Variants in NLN observed in about 807,000 individuals in gnomAD.
NLN encodes the protein neurolysin.
A neutral mutation model predicts 79.9 loss-of-function variants in NLN; 64 were observed. That is an observed-to-expected ratio of 0.80 (90% CI 0.65 to 0.99). The LOEUF (loss-of-function observed/expected upper bound fraction) is 0.99. Among genes scored for constraint, NLN ranks in the 50% least tolerant of loss-of-function variants. The pLI, the probability that NLN is intolerant of heterozygous loss-of-function variation, is 0.00. For synonymous variants in NLN, 267 were observed against 296.6 expected, an observed-to-expected ratio of 0.90 and a Z score of 1.02; for missense variants, 835 against 858.7, an observed-to-expected ratio of 0.97 and a Z score of 0.34.
At chr5:65,783,075 C>T (rs1759833240) in intron 6 of NLN, among the ~76,000 whole-genome samples, 1 of 152,048 alleles carries the variant, frequency 6.6e-6, no homozygotes, top group Non-Finnish European at 1.5e-5. Flanking sequence ...AAGTCAAAAG[C>T]ACAGTTAACT....
intron 1 of NLN, chr5:65,740,844 TATATA>T (rs1448845257): frequency 1.3e-5 from 2 of 152,228 alleles, no homozygotes; most frequent in African/African-American, 4.9e-5. Flanking sequence ...ATACGTATAT[TATATA>T]TATATAATAT....
At chr5:65,748,176 G>A (rs1759026577) in intron 1 of NLN, among the ~76,000 whole-genome samples, 1 of 152,142 alleles carries the variant, frequency 6.6e-6, no homozygotes, top group Non-Finnish European at 1.5e-5. Flanking sequence ...ACTCCAGCCT[G>A]GGCAACAGAG....
At chr5:65,760,656 G>C (rs1759317330) in intron 2 of NLN, among the ~76,000 whole-genome samples, 1 of 152,170 alleles carries the variant, frequency 6.6e-6, no homozygotes, top group Non-Finnish European at 1.5e-5. Context: ...GGGACTGCAG[G>C]CATGTGCCAC....
At chr5:65,810,719 C>G (rs1760526478) in intron 11 of NLN, among the ~76,000 whole-genome samples, 1 of 152,136 alleles carries the variant, frequency 6.6e-6, no homozygotes, top group South Asian at 2.1e-4. Context: ...GTGGCTCACA[C>G]CTGTAATCCC....
Position 65,824,471 on chromosome 5 carries a change from C to T in NLN, c.*1556C>T, listed in dbSNP as rs1760874739. On this transcript the variant is annotated 3_prime_UTR_variant, in exon 13 of 13. Coordinates refer to ENST00000380985, the MANE Select transcript of NLN (RefSeq NM_020726.5). ...ACTCAATGTCACCCCCTTCTAATCC[C>T]CAAAACTGTTTTTGTGGTCTTTGTA... 1 of 152,146 alleles carries T rather than the reference C, an allele frequency of 6.6e-6. No homozygotes were observed. The highest frequency in any genetic ancestry group is 2.4e-5 in the African/African-American group (1 of 41,424). The allele number at this position is 152,146 out of a possible 1,614,324, so 9.4% of individuals were successfully genotyped here. A position where few individuals can be genotyped will look rare whatever the true frequency, so the allele number is the denominator to read the frequency against.
intron 1 of NLN, among the ~76,000 whole-genome samples, chr5:65,734,730 G>A (rs1285434251): frequency 6.6e-6 from 1 of 152,170 alleles, no homozygotes. Flanking sequence ...AGGTGGAGTT[G>A]TAGTGACTGA....
intron 12 of NLN, among the ~76,000 whole-genome samples, chr5:65,813,941 T>A (rs6860869): frequency 0.022 from 3,307 of 150,904 alleles, 53 homozygotes; most frequent in Middle Eastern, 0.055. Context: ...AAAAAAAAAA[T>A]CATTGAGAAT....
At chr5:65,800,668 T>TTATA (rs1214462993) in intron 9 of NLN, among the ~76,000 whole-genome samples, 1 of 147,842 alleles carries the variant, frequency 6.8e-6, no homozygotes, top group East Asian at 2.0e-4. Context: ...ACTCTCTTAT[T>TTATA]TATTTATTTA....
intron 12 of NLN, among the ~76,000 whole-genome samples, chr5:65,822,321 G>T (rs1474118130): frequency 6.6e-6 from 1 of 152,208 alleles, no homozygotes; most frequent in African/African-American, 2.4e-5. Flanking sequence ...TTCTGTTGTT[G>T]TTGTTTTGAA....
intron 9 of NLN, among the ~76,000 whole-genome samples, chr5:65,808,905 A>C (rs974923586): frequency 6.6e-6 from 1 of 152,252 alleles, no homozygotes; most frequent in Non-Finnish European, 1.5e-5. Flanking sequence ...TAATCTTAGA[A>C]CCACTCATTT....
At position 65,758,785 on chromosome 5, in the gene NLN, A is replaced by G. The variant is rs763378240; in HGVS notation, c.260A>G (p.Asn87Ser). Residue 87 changes from asparagine (N) to serine (S), a missense_variant, in exon 2 of 13, where the codon AAC becomes AGC. By Grantham distance (46) the Asn-to-Ser change is conservative (BLOSUM62 1). Transcript: ENST00000380985. ...MLGIEEVTYE[N>S]CLQALADVEV... Reference sequence around the variant, plus strand: ...GGTATTGAGGAAGTAACTTACGAGAACTGTCTGCAGGCACTGGCAGATGTA... The same window carrying G: ...GGTATTGAGGAAGTAACTTACGAGAGCTGTCTGCAGGCACTGGCAGATGTA... The G allele has an allele frequency of 6.2e-7, 1 of 1,613,830 alleles. No individual in the cohort carries two copies. The highest frequency in any genetic ancestry group is 8.5e-7 in the Non-Finnish European group (1 of 1,179,772).
At position 65,824,198 on chromosome 5, in the gene NLN, C is replaced by T. The variant is rs1357447259; in HGVS notation, c.*1283C>T. 1 of 152,192 alleles carries T rather than the reference C, an allele frequency of 6.6e-6. No individual in the cohort carries two copies. The highest frequency in any genetic ancestry group is 2.1e-4 in the South Asian group (1 of 4,822). 9.4% of individuals were successfully genotyped at this position (152,192 alleles called of 1,614,324 possible). A position where few individuals can be genotyped will look rare whatever the true frequency, so the allele number is the denominator to read the frequency against. On this transcript the variant is annotated 3_prime_UTR_variant, in exon 13 of 13. Transcript: ENST00000380985. ...CCTAGGTCTTCCAGTTGTTTTCCAG[C>T]GCATACCTCAGGTATGACTTTGCTA...
At position 65,821,052 on chromosome 5, in the gene NLN, A is replaced by G. The variant is rs1439631234; in HGVS notation, c.1981-1729A>G. On this transcript the variant is annotated intron_variant, in intron 12 of 12. Coordinates refer to ENST00000380985, the MANE Select transcript of NLN (RefSeq NM_020726.5). ...AATGAGACTCTGTCTCAAAAAAAAAAAAAAAAGAAAAGAGAGAAAGAAAAG... is the reference window on the plus strand; with the variant it reads ...AATGAGACTCTGTCTCAAAAAAAAAGAAAAAAGAAAAGAGAGAAAGAAAAG... Among the ~76,000 whole-genome samples, 15 of 151,866 alleles carry G rather than the reference A, an allele frequency of 9.9e-5. No individual in the cohort carries two copies. In the East Asian group the frequency reaches 2.9e-3, roughly 29 times the overall value.
At chr5:65,765,682 C>A (rs1038741106) in intron 3 of NLN, among the ~76,000 whole-genome samples, 1 of 151,136 alleles carries the variant, frequency 6.6e-6, no homozygotes. Context: ...GTACTCCAGC[C>A]TGAGTCACAG....
At chr5:65,736,752 A>G (rs1203675523) in intron 1 of NLN, among the ~76,000 whole-genome samples, 1 of 152,060 alleles carries the variant, frequency 6.6e-6, no homozygotes, top group Non-Finnish European at 1.5e-5. Context: ...TTCATATTGA[A>G]TTTACACTCT....
Position 65,822,882 on chromosome 5 carries a change from G to C in NLN, c.2082G>C (p.Ala694=). ...NFLKREPNQK[A]FLMSRGLHAP ...TGAAACGTGAGCCAAACCAAAAAGC[G>C]TTCCTAATGAGTAGAGGCCTGCATG... Residue 694 remains alanine (A), a synonymous_variant, in exon 13 of 13, where the codon GCG becomes GCC. Transcript: ENST00000380985. The C allele has an allele frequency of 6.2e-7, 1 of 1,613,454 alleles. No homozygotes were observed.
intron 3 of NLN, among the ~76,000 whole-genome samples, chr5:65,774,630 TGGTTATAATAG>T (rs1759639716): frequency 6.6e-6 from 1 of 152,034 alleles, no homozygotes; most frequent in South Asian, 2.1e-4. Context: ...AAGGAGTGTC[TGGTTATAATAG>T]TCAGATTTCT....
intron 9 of NLN, among the ~76,000 whole-genome samples, chr5:65,798,515 T>A (rs1004977784): frequency 2.6e-5 from 4 of 152,216 alleles, no homozygotes. Context: ...TCCCTCTGTG[T>A]GAGTTGACTG....
rs1277146634 is a variant in NLN at position 65,722,255 on chromosome 5, A to G, written c.-119A>G. On this transcript the variant is annotated 5_prime_UTR_variant, in exon 1 of 13. Transcript: ENST00000380985. ...GTGGGAGGGCGCTGGCCAGGCAGCCACTGTGGCCTCTGCGGCTAGGCCGGC... is the reference window on the plus strand; with the variant it reads ...GTGGGAGGGCGCTGGCCAGGCAGCCGCTGTGGCCTCTGCGGCTAGGCCGGC... The G allele has an allele frequency of 1.5e-6, 1 of 673,608 alleles. No homozygotes were observed. The highest frequency in any genetic ancestry group is 2.3e-6 in the Non-Finnish European group (1 of 434,368). The allele number at this position is 673,608 out of a possible 1,614,324, so 41.7% of individuals were successfully genotyped here. A position where few individuals can be genotyped will look rare whatever the true frequency, so the allele number is the denominator to read the frequency against.
Sources: allele counts gnomAD v4.1 joint callset (sites outside exome capture counted in the v4.1 genomes callset), GRCh38; gene constraint gnomAD v4.1.1; transcripts MANE v1.5; gene names NCBI Gene and HGNC (gene_info 2026-07-23, HGNC 2026-07-21).